Variants in TRIM44 observed in about 807,000 individuals in gnomAD.
The protein encoded by TRIM44 is tripartite motif-containing protein 44.
Under a neutral mutation model 37.4 loss-of-function variants are expected in TRIM44, and 13 were observed. That is an observed-to-expected ratio of 0.35 (90% CI 0.23 to 0.55). The LOEUF is 0.55. Among genes scored for constraint, TRIM44 ranks in the 20% least tolerant of loss-of-function variants. TRIM44 has a pLI of 0.89. For missense variants in TRIM44, 426 were observed against 437.2 expected (o/e 0.97, Z 0.23); for synonymous variants, 175 against 157.2 (o/e 1.11, Z -0.85).
At chr11:35,686,980 T>C (rs976225206) in intron 2 of TRIM44, among the ~76,000 whole-genome samples, 2 of 152,232 alleles carry the variant, frequency 1.3e-5, no homozygotes, top group Non-Finnish European at 2.9e-5. Flanking sequence ...ATACTTTTAA[T>C]TATTTAACAA....
chr11:35,668,425 T>C (rs984327665), intron 1 of TRIM44, among the ~76,000 whole-genome samples: 5 of 152,230 alleles, frequency 3.3e-5, no homozygotes, highest in Non-Finnish European at 7.3e-5. Flanking sequence ...GTTCATATGT[T>C]CTATCATTCA....
intron 4 of TRIM44, among the ~76,000 whole-genome samples, chr11:35,804,577 A>T (rs1368625308): frequency 6.6e-6 from 1 of 152,208 alleles, no homozygotes; most frequent in Non-Finnish European, 1.5e-5. Flanking sequence ...GAGAACAATG[A>T]GAGCTTGCTT....
intron 4 of TRIM44, among the ~76,000 whole-genome samples, chr11:35,786,025 A>AT (rs1306636309): frequency 1.3e-5 from 2 of 152,208 alleles, no homozygotes; most frequent in African/African-American, 4.8e-5. Flanking sequence ...CGAACTCAAG[A>AT]TTTTTTAAAA....
intron 4 of TRIM44, among the ~76,000 whole-genome samples, chr11:35,792,072 T>TACACACACACACACACACACACACACAC (rs57127722): frequency 9.5e-5 from 13 of 136,826 alleles, no homozygotes; most frequent in East Asian, 6.6e-4. Flanking sequence ...GAGTTGCCCC[T>TACACACACACACACACACACACACACAC]ACACACACAC....
chr11:35,720,787 CTATT>C (rs1171064297), intron 2 of TRIM44, among the ~76,000 whole-genome samples: 1 of 151,670 alleles, frequency 6.6e-6, no homozygotes, highest in Non-Finnish European at 1.5e-5. Context: ...TTTTCTGTAT[CTATT>C]GTGATTTTTC....
At chr11:35,680,503 C>T (rs1421678464) in intron 1 of TRIM44, among the ~76,000 whole-genome samples, 1 of 151,850 alleles carries the variant, frequency 6.6e-6, no homozygotes, top group African/African-American at 2.4e-5. Flanking sequence ...ATACAACCTA[C>T]CTCATTCTTT....
chr11:35,739,152 A>G (rs1477473856), intron 4 of TRIM44, among the ~76,000 whole-genome samples: 4 of 152,190 alleles, frequency 2.6e-5, no homozygotes, highest in Non-Finnish European at 5.9e-5. Context: ...CTGCTAATTT[A>G]CCACAATCAT....
At chr11:35,764,109 T>C (rs1327674903) in intron 4 of TRIM44, among the ~76,000 whole-genome samples, 1 of 152,196 alleles carries the variant, frequency 6.6e-6, no homozygotes, top group East Asian at 1.9e-4. Context: ...CTCTTTTATC[T>C]CTTGCTTGCT....
At position 35,663,568 on chromosome 11, in the gene TRIM44, G is replaced by T. The variant is rs775459529; in HGVS notation, c.457G>T (p.Ala153Ser). The change falls in exon 1 of 5, where the codon GCG becomes TCG. Residue 153 changes from alanine (A) to serine (S), a missense_variant. Transcript: ENST00000299413. The part of the protein sequence containing the change: ...EDNQEEGESE[A>S]EGETEAESEF... ...CAACCAAGAAGAAGGGGAATCCGAG[G>T]CGGAGGGAGAAACTGAGGCAGAAAG... is the stretch of plus-strand genomic sequence containing the variant. The T allele has an allele frequency of 3.7e-6, 6 of 1,613,984 alleles. No individual in the cohort carries two copies. The East Asian group carries it at 1.3e-4, about 36-fold the overall frequency.
At position 35,662,897 on chromosome 11, in the gene TRIM44, A is replaced by T. The variant is rs1015038919; in HGVS notation, c.-215A>T. 13 of 702,180 alleles carry T rather than the reference A, an allele frequency of 1.9e-5. 1 individual carries two copies. In the South Asian group the frequency reaches 7.7e-4, roughly 42 times the overall value. The allele number at this position is 702,180 out of a possible 1,614,324, so 43.5% of individuals were successfully genotyped here. Reference sequence around the variant, plus strand: ...TGCGCGGCAGAGGAAGCGCAGGGACAGAGCGGAGCAGGCCGAGCCGGCGGA... The same window carrying T: ...TGCGCGGCAGAGGAAGCGCAGGGACTGAGCGGAGCAGGCCGAGCCGGCGGA... On this transcript the variant is annotated 5_prime_UTR_variant, in exon 1 of 5. Transcript: ENST00000299413.
chr11:35,749,604 G>C (rs1314704778), intron 4 of TRIM44, among the ~76,000 whole-genome samples: 2 of 152,224 alleles, frequency 1.3e-5, no homozygotes, highest in Non-Finnish European at 2.9e-5. Flanking sequence ...ATAATTGCTT[G>C]AACCGCGAGG....
rs558797724 is a variant in TRIM44, at chr11:35,704,350, A to G, written c.747+19014A>G. 3.7e-4 allele frequency among the ~76,000 whole-genome samples: 57 copies of G among 152,382 alleles called. No homozygotes were observed. In the South Asian group the frequency reaches 0.011, roughly 30 times the overall value. Reference sequence around the variant, plus strand: ...GAAAACACTCTGCAGGATATTATCCAGGAGAAACTTCCCCAATCTAGCAAG... The same window carrying G: ...GAAAACACTCTGCAGGATATTATCCGGGAGAAACTTCCCCAATCTAGCAAG... On this transcript the variant is annotated intron_variant, in intron 2 of 4. Transcript: ENST00000299413.
In TRIM44 at chr11:35,767,607, A is replaced by G. The variant is rs75871465; in HGVS notation, c.1007+32162A>G. 0.014 allele frequency among the ~76,000 whole-genome samples: 2,102 copies of G among 152,200 alleles called. 116 individuals carry two copies. In the East Asian group the frequency reaches 0.14, roughly 10 times the overall value. On this transcript the variant is annotated intron_variant, in intron 4 of 4. Transcript: ENST00000299413. ...TTCTCTGTGGGAAAAAAAGTTGTATATATATATACATATATATGTTTACCA... is the reference window on the plus strand; with the variant it reads ...TTCTCTGTGGGAAAAAAAGTTGTATGTATATATACATATATATGTTTACCA...
intron 1 of TRIM44, among the ~76,000 whole-genome samples, chr11:35,682,016 T>TGG (rs1207867453): frequency 7.0e-6 from 1 of 142,764 alleles, no homozygotes; most frequent in Non-Finnish European, 1.5e-5. Flanking sequence ...TGGAGTGCAG[T>TGG]GGAGTGATCT....
intron 4 of TRIM44, among the ~76,000 whole-genome samples, chr11:35,793,546 G>A (rs957470015): frequency 2.7e-4 from 41 of 152,138 alleles, no homozygotes; most frequent in African/African-American, 9.9e-4. Flanking sequence ...AATAAACTAA[G>A]AGACTATTGG....
intron 2 of TRIM44, among the ~76,000 whole-genome samples, chr11:35,723,988 A>G (rs1055057422): frequency 6.6e-6 from 1 of 152,222 alleles, no homozygotes; most frequent in East Asian, 1.9e-4. Context: ...ACAGTTCTCA[A>G]TCTGATACAG....
At chr11:35,668,715 T>A (rs575508654) in intron 1 of TRIM44, among the ~76,000 whole-genome samples, 4 of 152,360 alleles carry the variant, frequency 2.6e-5, no homozygotes, top group African/African-American at 9.6e-5. Flanking sequence ...CTATTTTCCT[T>A]TGGGTGTATA....
chr11:35,782,289 A>G (rs556222599), intron 4 of TRIM44, among the ~76,000 whole-genome samples: 5 of 152,288 alleles, frequency 3.3e-5, no homozygotes, highest in Middle Eastern at 3.4e-3. Context: ...TAAATTAGCC[A>G]GTTGGATCCA....
At chr11:35,784,039 A>G (rs1218226210) in intron 4 of TRIM44, among the ~76,000 whole-genome samples, 3 of 152,198 alleles carry the variant, frequency 2.0e-5, no homozygotes, top group African/African-American at 7.2e-5. Flanking sequence ...ACAGAGGCCT[A>G]CTGGGGAGCA....
Sources: gnomAD v4.1 joint callset for allele counts (sites outside exome capture counted in the v4.1 genomes callset) on GRCh38, gnomAD v4.1.1 for gene constraint, MANE v1.5 for transcripts, NCBI Gene and HGNC (gene_info 2026-07-23, HGNC 2026-07-21) for gene names.